CCDC13: variants seen among roughly 807,000 people sequenced by gnomAD.
The protein encoded by CCDC13 is coiled-coil domain-containing protein 13.
CCDC13 carries 70 observed loss-of-function variants against 87.3 expected under a neutral mutation model. The observed-to-expected ratio is 0.80, with a 90% CI of 0.66 to 0.98. The LOEUF (loss-of-function observed/expected upper bound fraction) is 0.98, where lower values mean the gene tolerates loss of function less well. CCDC13 is among the 50% of genes least tolerant of loss of function. CCDC13 has a pLI of 0.00. For missense variants in CCDC13, 842 were observed against 892.0 expected, an observed-to-expected ratio of 0.94 and a Z score of 0.71; for synonymous variants, 317 against 360.3, an observed-to-expected ratio of 0.88 and a Z score of 1.36.
At chr3:42,739,418 C>T (rs1699139292) in intron 9 of CCDC13, among the ~76,000 whole-genome samples, 1 of 152,214 alleles carries the variant, frequency 6.6e-6, no homozygotes, top group Non-Finnish European at 1.5e-5. Context: ...TGGTGCTGCT[C>T]CATCACAGCC....
intron 1 of CCDC13, among the ~76,000 whole-genome samples, chr3:42,765,528 C>G (rs1466247143): frequency 6.6e-6 from 1 of 152,222 alleles, no homozygotes; most frequent in African/African-American, 2.4e-5. Flanking sequence ...GCCTCAGCCT[C>G]CCGAGTAGCT....
chr3:42,760,806 AAAAAT>A (rs1699816282), intron 1 of CCDC13, among the ~76,000 whole-genome samples: 1 of 152,044 alleles, frequency 6.6e-6, no homozygotes, highest in Non-Finnish European at 1.5e-5. Flanking sequence ...AAAATAAAAT[AAAAAT>A]AAAATGGTAT....
At chr3:42,709,191 C>T (rs765433238) in intron 15 of CCDC13, 52 bp from the exon 16 acceptor site, 12 of 1,540,370 alleles carry the variant, frequency 7.8e-6, no homozygotes, top group African/African-American at 1.4e-5. Context: ...CACAGGTGTG[C>T]GTGGGTGACA....
intron 1 of CCDC13, among the ~76,000 whole-genome samples, chr3:42,762,928 G>A (rs1559663609): frequency 6.6e-6 from 1 of 152,102 alleles, no homozygotes; most frequent in Non-Finnish European, 1.5e-5. Context: ...TAACCTGGGT[G>A]ACAGTCAGAC....
At chr3:42,760,878 C>T (rs1314874809) in intron 1 of CCDC13, among the ~76,000 whole-genome samples, 1 of 152,128 alleles carries the variant, frequency 6.6e-6, no homozygotes, top group Non-Finnish European at 1.5e-5. Flanking sequence ...AGCATCTTTT[C>T]ATGTGCTTGT....
At chr3:42,731,121 T>C (rs1698818154) in intron 12 of CCDC13, among the ~76,000 whole-genome samples, 1 of 152,206 alleles carries the variant, frequency 6.6e-6, no homozygotes, top group Non-Finnish European at 1.5e-5. Flanking sequence ...TCTTACCTGC[T>C]GGCTGGAGCC....
chr3:42,741,085 C>T lies in CCDC13; in HGVS notation c.988-1275G>A, dbSNP rs563516973. ...TTCAACATAATCTGTTCTGCACTAA[C>T]ATGTAAGTTCAAGCTAGGTGCATTT... On this transcript the variant is annotated intron_variant, in intron 8 of 15. Coordinates refer to ENST00000310232, the MANE Select transcript of CCDC13 (RefSeq NM_144719.4). 5.3e-5 allele frequency: 8 copies of T among 152,300 alleles called. No individual in the cohort carries two copies. In the East Asian group the frequency reaches 1.4e-3, roughly 26 times the overall value. The allele number at this position is 152,300 out of a possible 1,614,324, so 9.4% of individuals were successfully genotyped here.
At chr3:42,711,790 A>G (rs1263273388) in intron 14 of CCDC13, among the ~76,000 whole-genome samples, 1 of 152,122 alleles carries the variant, frequency 6.6e-6, no homozygotes, top group Non-Finnish European at 1.5e-5. Context: ...GAGGGGCAGG[A>G]TTTTGCCCAT....
At chr3:42,763,897 G>A (rs545116206) in intron 1 of CCDC13, among the ~76,000 whole-genome samples, 1 of 152,268 alleles carries the variant, frequency 6.6e-6, no homozygotes, top group African/African-American at 2.4e-5. Flanking sequence ...AGGTGGTCAG[G>A]GCACAGCTTG....
chr3:42,746,965 G>C (rs1699415519), intron 6 of CCDC13: 1 of 516,238 alleles, frequency 1.9e-6, no homozygotes, highest in African/African-American at 1.9e-5. Flanking sequence ...GACTCTCCCT[G>C]GGTGGACAGT....
At chr3:42,720,405 C>G (rs541234954) in intron 13 of CCDC13, among the ~76,000 whole-genome samples, 3 of 152,170 alleles carry the variant, frequency 2.0e-5, no homozygotes, top group Non-Finnish European at 4.4e-5. Flanking sequence ...AGAAGTTAGA[C>G]GCTGGAAAGA....
intron 5 of CCDC13, chr3:42,750,018 G>A (rs765466549): frequency 5.8e-5 from 26 of 449,544 alleles, no homozygotes; most frequent in Non-Finnish European, 9.4e-5. Context: ...GGGAGAACAC[G>A]TGGTGCTGAT....
chr3:42,704,425 A>T (rs1007041383), downstream of CCDC13: 1 of 152,260 alleles, frequency 6.6e-6, no homozygotes, highest in Non-Finnish European at 1.5e-5. Context: ...TCAGATCCTC[A>T]GTTGTAAAAT....
chr3:42,755,217 T>C (rs1456010433), intron 3 of CCDC13, among the ~76,000 whole-genome samples: 2 of 152,034 alleles, frequency 1.3e-5, no homozygotes, highest in Non-Finnish European at 2.9e-5. Context: ...ACGAAAAATA[T>C]AGTAAGCAAA....
downstream of CCDC13, among the ~76,000 whole-genome samples, chr3:42,705,122 T>A (rs1698146272): frequency 6.6e-6 from 1 of 152,154 alleles, no homozygotes; most frequent in Non-Finnish European, 1.5e-5. Context: ...TATATGTGTG[T>A]TGTGTGTGTG....
At chr3:42,711,246 C>CAAAAAAAAAAAAAAAA (rs1174084143) in intron 14 of CCDC13, among the ~76,000 whole-genome samples, 10 of 75,328 alleles carry the variant, frequency 1.3e-4, no homozygotes, top group African/African-American at 5.6e-4. Context: ...ACTCTGTCTC[C>CAAAAAAAAAAAAAAAA]AAAAAAAAAA....
rs765343859 is a variant in CCDC13 at position 42,733,496 on chromosome 3, A to T, written c.1485T>A (p.Asp495Glu). The T allele has an allele frequency of 1.9e-6, 3 of 1,614,044 alleles. No homozygotes were observed. The highest frequency in any genetic ancestry group is 2.5e-6 in the Non-Finnish European group (3 of 1,179,992). Residue 495 changes from aspartate (D) to glutamate (E), a missense_variant, in exon 11 of 16, where the codon GAT (aspartate) becomes GAA (glutamate). Transcript: ENST00000310232. ...GAGAAGATCCAAGCCTGCCAACATG[A>T]TCGCCTGCTGAGGCCGGGGACTTGG... is the stretch of plus-strand genomic sequence containing the variant. ...GLTKSPASAG[D>E]HVGRLGSSRS...
intron 3 of CCDC13, among the ~76,000 whole-genome samples, chr3:42,755,346 C>T (rs1699682618): frequency 6.6e-6 from 1 of 152,202 alleles, no homozygotes; most frequent in Admixed American, 6.5e-5. Context: ...CGGTGGCTCA[C>T]ACCTGTAATC....
At chr3:42,771,314 A>C (rs1026814579) in intron 1 of CCDC13, among the ~76,000 whole-genome samples, 6 of 152,226 alleles carry the variant, frequency 3.9e-5, no homozygotes, top group Non-Finnish European at 8.8e-5. Context: ...AATGAAAAAT[A>C]TCAGTGGTTT....
Sources: gnomAD v4.1 joint callset for allele counts (sites outside exome capture counted in the v4.1 genomes callset) on GRCh38, gnomAD v4.1.1 for gene constraint, MANE v1.5 for transcripts, NCBI Gene and HGNC (gene_info 2026-07-23, HGNC 2026-07-21) for gene names.